ITGAE: variants seen among roughly 807,000 people sequenced by gnomAD.
ITGAE encodes integrin alpha-E.
In ITGAE, 99 loss-of-function variants were observed where a neutral mutation model predicts 136.5. The ratio of observed to expected loss-of-function variants is 0.73; its 90% confidence interval spans 0.62 to 0.86. The LOEUF (loss-of-function observed/expected upper bound fraction) is 0.86, where lower values mean the gene tolerates loss of function less well. Among genes scored for constraint, ITGAE ranks in the 40% least tolerant of loss-of-function variants. The pLI is 0.00. For missense variants in ITGAE, 1,447 were observed against 1,515.3 expected (o/e 0.95, Z 0.75); for synonymous variants, 613 against 591.8 (o/e 1.04, Z -0.52).
At chr17:3,747,828 AC>A (rs556576500) in intron 17 of ITGAE, 93 bp downstream of exon 17, 149 of 152,844 alleles carry the variant, frequency 9.7e-4, no homozygotes, top group Non-Finnish European at 1.6e-3. Flanking sequence ...ACACCCACCC[AC>A]CCCCCGCCCC....
chr17:3,732,250 G>T, intron 22 of ITGAE, 118 bp downstream of exon 22: 1 of 789,896 alleles, frequency 1.3e-6, no homozygotes, highest in Non-Finnish European at 2.2e-6. Context: ...CACTGCTGGG[G>T]ACACACTGCA....
chr17:3,723,825 G>C, intron 26 of ITGAE, 81 bp from the exon 27 acceptor site: 2 of 1,560,514 alleles, frequency 1.3e-6, no homozygotes, highest in South Asian at 1.2e-5. Context: ...CGGCCCTGGC[G>C]AGGTGCGCAT....
intron 1 of ITGAE, among the ~76,000 whole-genome samples, chr17:3,782,176 G>A (rs1413486480): frequency 6.8e-6 from 1 of 147,830 alleles, no homozygotes; most frequent in Non-Finnish European, 1.5e-5. Flanking sequence ...TCGGGAGGCT[G>A]ACAAGGGAGA....
At chr17:3,728,072 G>C in intron 25 of ITGAE, 33 bp downstream of exon 25, 1 of 1,597,186 alleles carries the variant, frequency 6.3e-7, no homozygotes, top group Non-Finnish European at 8.6e-7. Context: ...GTATTGCTTT[G>C]CCATCTACAG....
rs1597304994 is a variant in ITGAE, at chr17:3,728,093, A to G, written c.2976+12T>C. 1 of 1,607,870 alleles carries G rather than the reference A, an allele frequency of 6.2e-7. No homozygotes were observed. Among genetic ancestry groups the G allele is most frequent in the Admixed American group, 1.7e-5 (1 of 60,012 alleles). ...CTTTGCCATCTACAGCTTTACAATAATAAGTACTTACATGGAAGAGGAATT... is the reference window on the plus strand; with the variant it reads ...CTTTGCCATCTACAGCTTTACAATAGTAAGTACTTACATGGAAGAGGAATT... On this transcript the variant is annotated intron_variant, in intron 25 of 30. Transcript: ENST00000263087.
chr17:3,752,070 G>T (rs796403141), intron 14 of ITGAE, among the ~76,000 whole-genome samples, 196 bp from the exon 15 acceptor site: 1 of 140,516 alleles, frequency 7.1e-6, no homozygotes, highest in Non-Finnish European at 1.5e-5. Context: ...TGCCCACTCC[G>T]TTGCCACCCA....
Position 3,739,881 on chromosome 17 carries a change from G to A in ITGAE, c.2449-3C>T, listed in dbSNP as rs374763641. On this transcript the variant is annotated splice_polypyrimidine_tract_variant and splice_region_variant and intron_variant, in intron 19 of 30. Transcript: ENST00000263087. ...TTGCAGGCCTTCTCATAGGGCAGCTGTAACCAGACAGAGAGTCCCGATCAG... is the reference window on the plus strand; with the variant it reads ...TTGCAGGCCTTCTCATAGGGCAGCTATAACCAGACAGAGAGTCCCGATCAG... The A allele has an allele frequency of 1.6e-5, 26 of 1,613,146 alleles. No individual in the cohort carries two copies. The African/African-American group carries it at 3.3e-4, about 21-fold the overall frequency.
chr17:3,725,880 G>C, intron 26 of ITGAE: 1 of 1,612,178 alleles, frequency 6.2e-7, no homozygotes. Context: ...TGAGCACCGA[G>C]ACTTACACTG....
chr17:3,753,194 G>A (rs2051912834), intron 14 of ITGAE, 96 bp downstream of exon 14: 1 of 1,383,116 alleles, frequency 7.2e-7, no homozygotes, highest in African/African-American at 1.4e-5. Context: ...GCCCACTGGT[G>A]CCAGGCAGGG....
chr17:3,797,697 G>A (rs1368602729), intron 1 of ITGAE, among the ~76,000 whole-genome samples: 3 of 150,064 alleles, frequency 2.0e-5, no homozygotes. Flanking sequence ...CTGATCACAA[G>A]TGCTCTGCCC....
At chr17:3,736,200 T>G (rs1597315270) in intron 20 of ITGAE, among the ~76,000 whole-genome samples, 1 of 151,838 alleles carries the variant, frequency 6.6e-6, no homozygotes, top group African/African-American at 2.4e-5. Context: ...TCCCAGCTAT[T>G]CAGGAGGCTG....
At chr17:3,726,211 A>T in intron 26 of ITGAE, 1 of 1,614,228 alleles carries the variant, frequency 6.2e-7, no homozygotes, top group Non-Finnish European at 8.5e-7. Flanking sequence ...ATGACCTTCA[A>T]GACTAAATGT....
intron 1 of ITGAE, among the ~76,000 whole-genome samples, chr17:3,788,714 AAATAATTATTTAAAAAT>A (rs1251140182): frequency 6.8e-6 from 1 of 146,538 alleles, no homozygotes; most frequent in Non-Finnish European, 1.5e-5. Context: ...ATAATTATTA[AAATAATTATTTAAAAAT>A]AATAATTATT....
chr17:3,761,558 A>G, intron 4 of ITGAE, 38 bp from the exon 5 acceptor site: 1 of 1,523,922 alleles, frequency 6.6e-7, no homozygotes, highest in South Asian at 1.2e-5. Context: ...ACACCAGGTC[A>G]CCTCCCGATT....
intron 19 of ITGAE, among the ~76,000 whole-genome samples, chr17:3,741,100 C>T (rs1389360798): frequency 1.4e-4 from 14 of 99,392 alleles, no homozygotes; most frequent in South Asian, 6.4e-4. Context: ...TTTTTTGAGA[C>T]GGAGTCTCGC....
At chr17:3,735,462 T>C (rs1210913805) in intron 20 of ITGAE, among the ~76,000 whole-genome samples, 1 of 151,988 alleles carries the variant, frequency 6.6e-6, no homozygotes, top group African/African-American at 2.4e-5. Flanking sequence ...CCACCCAGCC[T>C]GGCCAATGTG....
At chr17:3,784,586 G>A (rs2052741895) in intron 1 of ITGAE, among the ~76,000 whole-genome samples, 1 of 151,810 alleles carries the variant, frequency 6.6e-6, no homozygotes, top group African/African-American at 2.4e-5. Flanking sequence ...GTAGAGACGG[G>A]GTTTCACCAT....
In ITGAE at chr17:3,723,743, G is replaced by A. The variant is rs142469508; in HGVS notation, c.3086C>T (p.Ala1029Val). The A allele has an allele frequency of 3.0e-4, 475 of 1,607,228 alleles. No homozygotes were observed. The highest frequency in any genetic ancestry group is 2.0e-3 in the Admixed American group (115 of 58,950). Residue 1029 changes from alanine to valine, a missense_variant and splice_region_variant, in exon 27 of 31, where the codon GCC (alanine) becomes GTC (valine). This residue lies in a region of ITGAE where 1,031 missense variants were observed against 1,011.4 expected (regional missense o/e 1.02). Transcript: ENST00000263087. ...VAVKKLTRTQ[A>V]STVCTWSQER... ...CTGACTCCAGGTGCACACCGTGGAG[G>A]CCTGAAACGAGAGCCATGACCGCGA...
At chr17:3,769,521 A>G (rs569636072) in intron 2 of ITGAE, among the ~76,000 whole-genome samples, 1 of 152,272 alleles carries the variant, frequency 6.6e-6, no homozygotes, top group South Asian at 2.1e-4. Context: ...GGGAGTTTGC[A>G]GGTTTGTTGA....
Sources: allele counts gnomAD v4.1 joint callset (sites outside exome capture counted in the v4.1 genomes callset), GRCh38; gene constraint gnomAD v4.1.1; regional missense constraint gnomAD v4.1.1; transcripts MANE v1.5; gene names NCBI Gene and HGNC (gene_info 2026-07-23, HGNC 2026-07-21).